The following PIK3R4 variants were observed in gnomAD, a reference collection of about 807,000 sequenced individuals.
PIK3R4 encodes phosphoinositide 3-kinase regulatory subunit 4.
In PIK3R4, 46 loss-of-function variants were observed where a neutral mutation model predicts 136.5. The observed-to-expected ratio is 0.34, with a 90% CI of 0.27 to 0.43. PIK3R4 has a LOEUF of 0.43. PIK3R4 is among the 20% of genes least tolerant of loss of function. The probability of loss-of-function intolerance (pLI) is 1.00; values close to 1 mark genes in which losing one functional copy is unlikely to be tolerated. For missense variants in PIK3R4, 1,331 were observed against 1,649.5 expected (o/e 0.81, Z 3.35); for synonymous variants, 557 against 566.7 (o/e 0.98, Z 0.24).
chr3:130,735,358 G>A (rs938770807), intron 3 of PIK3R4, among the ~76,000 whole-genome samples: 2 of 152,110 alleles, frequency 1.3e-5, no homozygotes, highest in Non-Finnish European at 2.9e-5. Context: ...TCCCCCACAC[G>A]ACTCCTCACG....
Position 130,680,608 on chromosome 3 carries a change from A to C in PIK3R4, c.3906+5T>G, listed in dbSNP as rs1321884404. On this transcript the variant is annotated splice_donor_5th_base_variant and intron_variant, in intron 19 of 19. Transcript: ENST00000356763. ...AAGGTGAAAGGAATGAAAAGACTACAGTACCTGGACAACTTCAGTGCCTTC... is the reference window on the plus strand; with the variant it reads ...AAGGTGAAAGGAATGAAAAGACTACCGTACCTGGACAACTTCAGTGCCTTC... The C allele has an allele frequency of 1.3e-6, 2 of 1,495,314 alleles. No homozygotes were observed. The highest frequency in any genetic ancestry group is 1.9e-6 in the Non-Finnish European group (2 of 1,076,178). The allele number at this position is 1,495,314 out of a possible 1,614,324, so 92.6% of individuals were successfully genotyped here. A position where few individuals can be genotyped will look rare whatever the true frequency, so the allele number is the denominator to read the frequency against.
Position 130,707,044 on chromosome 3 carries a change from T to A in PIK3R4, c.2625A>T (p.Leu875=). The part of the protein sequence containing the change: ...SLDPPNMPQA[L]PKGSDQEVIQ... ...TCACCTCCTGATCACTCCCTTTAGGTAGGGCCTGTGGCATGTTTGGTGGGT... is the reference window on the plus strand; with the variant it reads ...TCACCTCCTGATCACTCCCTTTAGGAAGGGCCTGTGGCATGTTTGGTGGGT... Residue 875 remains leucine (L), a synonymous_variant, in exon 11 of 20, where the codon CTA becomes CTT. Coordinates refer to ENST00000356763, the MANE Select transcript of PIK3R4 (RefSeq NM_014602.3). The A allele has an allele frequency of 6.2e-7, 1 of 1,612,980 alleles. No individual in the cohort carries two copies. Among genetic ancestry groups the A allele is most frequent in the Non-Finnish European group, 8.5e-7 (1 of 1,179,514 alleles).
chr3:130,709,924 T>C (rs1486469715), intron 9 of PIK3R4, among the ~76,000 whole-genome samples: 3 of 152,128 alleles, frequency 2.0e-5, no homozygotes, highest in Non-Finnish European at 2.9e-5. Flanking sequence ...GTGACGAAAA[T>C]GTTCTGGAAT....
chr3:130,680,358 G>GATA (rs2066450151), intron 19 of PIK3R4, among the ~76,000 whole-genome samples: 2 of 152,074 alleles, frequency 1.3e-5, no homozygotes, highest in African/African-American at 4.8e-5. Context: ...TTTGTAAGAG[G>GATA]ATAATAAAAG....
intron 4 of PIK3R4, among the ~76,000 whole-genome samples, chr3:130,732,570 G>C (rs2066765006): frequency 1.3e-5 from 2 of 152,106 alleles, no homozygotes; most frequent in South Asian, 4.2e-4. Context: ...GGATTTCTGG[G>C]CCTGAAGTTC....
Position 130,704,056 on chromosome 3 carries a change from A to G in PIK3R4, c.2933-168T>C, listed in dbSNP as rs74735380. Among the ~76,000 whole-genome samples the G allele has an allele frequency of 9.1e-3, 1,388 of 152,296 alleles. 10 individuals are homozygous for G. Among genetic ancestry groups the G allele is most frequent in the Non-Finnish European group, 0.014 (928 of 68,018 alleles). ...AGAGTGGTCTACTGGACCATGACAG[A>G]TATTATTTACTGAGACATCAATTTG... On this transcript the variant is annotated intron_variant, in intron 12 of 19. Transcript: ENST00000356763.
rs5852606 is a variant in PIK3R4, at chr3:130,728,686, T to TAAA, written c.1586-5_1586-3dup. On this transcript the variant is annotated splice_polypyrimidine_tract_variant and splice_region_variant and intron_variant, in intron 5 of 19. Transcript: ENST00000356763. ...CCATTTCATGTAAGGCTTGGAGCTC[T>TAAA]AAAAAAAAAAAAAAAAGAAAGAAAG... 7.9e-4 allele frequency: 810 copies of TAAA among 1,027,420 alleles called. No individual in the cohort carries two copies. The highest frequency in any genetic ancestry group is 2.8e-3 in the South Asian group (115 of 41,588). The allele number at this position is 1,027,420 out of a possible 1,614,324, so 63.6% of individuals were successfully genotyped here.
intron 7 of PIK3R4, among the ~76,000 whole-genome samples, chr3:130,721,632 C>A (rs1289850270): frequency 6.6e-6 from 1 of 151,926 alleles, no homozygotes; most frequent in East Asian, 1.9e-4. Context: ...GTAAAATAAG[C>A]CAGAAACAGA....
rs898765799 is a variant in PIK3R4, at chr3:130,723,561, T to C, written c.1834A>G (p.Ser612Gly). Residue 612 changes from serine to glycine, a missense_variant, in exon 7 of 20, where the codon AGC becomes GGC. Ser to Gly is a moderately conservative substitution (Grantham distance 56). Around this residue, in one of 2 missense-constraint regions of PIK3R4, gnomAD observed 1,180 missense variants for 1,407.0 expected, o/e 0.84. Coordinates refer to ENST00000356763, the MANE Select transcript of PIK3R4 (RefSeq NM_014602.3). ...AGCAGAGGCTTGAGAATTGAGGAGCTTTGCCAGCCAACATAGGCAGCAACA... is the reference window on the plus strand; with the variant it reads ...AGCAGAGGCTTGAGAATTGAGGAGCCTTGCCAGCCAACATAGGCAGCAACA... ...VGVAAYVGWQ[S>G]SSILKPLLQQ... 2 of 1,613,086 alleles carry C rather than the reference T, an allele frequency of 1.2e-6. No individual in the cohort carries two copies. Among genetic ancestry groups the C allele is most frequent in the Non-Finnish European group, 1.7e-6 (2 of 1,179,790 alleles).
rs1315341233 is a variant in PIK3R4 at position 130,728,702 on chromosome 3, A to G, written c.1586-18T>C. 4 of 1,283,564 alleles carry G rather than the reference A, an allele frequency of 3.1e-6. No homozygotes were observed. Among genetic ancestry groups the G allele is most frequent in the Non-Finnish European group, 2.1e-6 (2 of 935,886 alleles). The allele number at this position is 1,283,564 out of a possible 1,614,324, so 79.5% of individuals were successfully genotyped here. On this transcript the variant is annotated intron_variant, in intron 5 of 19. Transcript: ENST00000356763. ...TTGGAGCTCTAAAAAAAAAAAAAAA[A>G]GAAAGAAAGAAAGAAAGAAAAGAAA... is the stretch of plus-strand genomic sequence containing the variant.
chr3:130,695,352 T>C (rs966210839), intron 13 of PIK3R4, among the ~76,000 whole-genome samples: 1 of 152,168 alleles, frequency 6.6e-6, no homozygotes, highest in Non-Finnish European at 1.5e-5. Context: ...CATTAGTCTC[T>C]TCTTATCCAC....
At chr3:130,699,601 T>C (rs1248985435) in intron 13 of PIK3R4, among the ~76,000 whole-genome samples, 2 of 152,174 alleles carry the variant, frequency 1.3e-5, no homozygotes, top group Non-Finnish European at 2.9e-5. Context: ...TGCTGAAAGG[T>C]GTTAGCTGAT....
Position 130,679,153 on chromosome 3 carries a change from AT to A in PIK3R4, c.*161del. The A allele has an allele frequency of 4.8e-6, 2 of 414,284 alleles. No homozygotes were observed. The highest frequency in any genetic ancestry group is 8.5e-6 in the Non-Finnish European group (2 of 236,194). 25.7% of individuals were successfully genotyped at this position (414,284 alleles called of 1,614,324 possible). On this transcript the variant is annotated 3_prime_UTR_variant, in exon 20 of 20. Transcript: ENST00000356763. ...ATGCATAAGTAAACTAGTCAAGTAC[AT>A]CTTAACCATTTTGGGTGTCATTTAG... is the stretch of plus-strand genomic sequence containing the variant.
intron 19 of PIK3R4, 23 bp from the exon 20 acceptor site, chr3:130,679,508 C>A (rs1303631792): frequency 6.3e-7 from 1 of 1,589,768 alleles, no homozygotes; most frequent in Admixed American, 1.7e-5. Context: ...TAAAAGGGAG[C>A]AAGCCAGAGG....
Position 130,744,978 on chromosome 3 carries a change from C to T in PIK3R4, c.241G>A (p.Ala81Thr), listed in dbSNP as rs746956944. 6.2e-7 allele frequency: 1 copy of T among 1,614,110 alleles called. No individual in the cohort carries two copies. The highest frequency in any genetic ancestry group is 1.1e-5 in the South Asian group (1 of 91,078). ...LEELKIRLNS[A>T]QNCLPFQKAS... ...TTCTGGAAAGGTAGACAATTCTGTGCAGAATTAAGCCTGATTTTCAGTTCC... is the reference window on the plus strand; with the variant it reads ...TTCTGGAAAGGTAGACAATTCTGTGTAGAATTAAGCCTGATTTTCAGTTCC... Residue 81 changes from alanine to threonine, a missense_variant, in exon 2 of 20, where the codon GCA becomes ACA. Ala to Thr is a moderately conservative substitution (Grantham distance 58). This residue lies in a region of PIK3R4 where 151 missense variants were observed against 242.5 expected (regional missense o/e 0.62). Coordinates refer to ENST00000356763, the MANE Select transcript of PIK3R4 (RefSeq NM_014602.3).
intron 6 of PIK3R4, among the ~76,000 whole-genome samples, chr3:130,724,601 C>A (rs1371196116): frequency 6.6e-6 from 1 of 151,788 alleles, no homozygotes; most frequent in Non-Finnish European, 1.5e-5. Flanking sequence ...TCTCAACTAA[C>A]CAAACAATAA....
intron 4 of PIK3R4, 103 bp downstream of exon 4, chr3:130,733,445 G>C (rs1329788014): frequency 1.4e-6 from 1 of 724,246 alleles, no homozygotes; most frequent in African/African-American, 1.8e-5. Flanking sequence ...AAAGAGCAAA[G>C]TTCATACTTG....
intron 13 of PIK3R4, among the ~76,000 whole-genome samples, chr3:130,697,801 CTTATG>C (rs1322869229): frequency 6.6e-6 from 1 of 152,160 alleles, no homozygotes; most frequent in African/African-American, 2.4e-5. Context: ...TTTATATTTA[CTTATG>C]TTATCTTTAC....
At chr3:130,743,112 T>C (rs995643963) in intron 2 of PIK3R4, among the ~76,000 whole-genome samples, 1 of 152,126 alleles carries the variant, frequency 6.6e-6, no homozygotes, top group Non-Finnish European at 1.5e-5. Context: ...TGCCCAAAAA[T>C]TTATAACCAA....
Sources: allele counts gnomAD v4.1 joint callset (sites outside exome capture counted in the v4.1 genomes callset), GRCh38; gene constraint gnomAD v4.1.1; regional missense constraint gnomAD v4.1.1; transcripts MANE v1.5; gene names NCBI Gene and HGNC (gene_info 2026-07-23, HGNC 2026-07-21).